Variants in SYT1 observed in about 807,000 individuals in gnomAD.
The protein encoded by SYT1 is synaptotagmin 1, also known as synaptotagmin-1.
A neutral mutation model predicts 44.8 loss-of-function variants in SYT1; 8 were observed. That is an observed-to-expected ratio of 0.18 (90% confidence interval 0.10 to 0.32). The LOEUF (loss-of-function observed/expected upper bound fraction) is 0.32, where lower values mean the gene tolerates loss of function less well. Ranked by LOEUF, SYT1 falls within the 10% of genes least tolerant of loss-of-function variation. SYT1 has a pLI of 1.00. For synonymous variants in SYT1, 154 were observed against 188.8 expected (o/e 0.82, Z 1.51); for missense variants, 286 against 509.3 (o/e 0.56, Z 4.22).
chr12:79,333,233 T>C (rs1305803273), intron 8 of SYT1, among the ~76,000 whole-genome samples: 3 of 152,172 alleles, frequency 2.0e-5, no homozygotes, highest in Non-Finnish European at 4.4e-5. Flanking sequence ...CCAGCAAATT[T>C]AGTGTCTGAT....
At chr12:79,312,781 T>TC (rs1415748140) in intron 8 of SYT1, among the ~76,000 whole-genome samples, 4 of 151,288 alleles carry the variant, frequency 2.6e-5, no homozygotes, top group African/African-American at 9.7e-5. Flanking sequence ...TTTTTTTTTT[T>TC]TTTTTTGATA....
At chr12:79,000,167 T>C (rs1870638719) in intron 2 of SYT1, among the ~76,000 whole-genome samples, 2 of 152,260 alleles carry the variant, frequency 1.3e-5, no homozygotes, top group South Asian at 4.1e-4. Flanking sequence ...AGTGCAATTT[T>C]TTTTTCAGCT....
intron 9 of SYT1, among the ~76,000 whole-genome samples, chr12:79,436,253 T>C (rs1050937429): frequency 4.6e-5 from 7 of 152,142 alleles, no homozygotes; most frequent in African/African-American, 1.4e-4. Context: ...TTGATACCAG[T>C]ATTATTATCT....
At chr12:78,946,579 C>T (rs1345472117) in intron 1 of SYT1, among the ~76,000 whole-genome samples, 3 of 151,818 alleles carry the variant, frequency 2.0e-5, no homozygotes, top group Non-Finnish European at 2.9e-5. Flanking sequence ...CATTTGAACC[C>T]GGGAGGCAGA....
At chr12:79,036,530 G>A (rs1202380672) in intron 2 of SYT1, 2 of 151,686 alleles carry the variant, frequency 1.3e-5, no homozygotes, top group African/African-American at 2.4e-5. Context: ...TCTTCACTTG[G>A]GGATGCTAAA....
Position 79,286,062 on chromosome 12 carries a change from A to G in SYT1, c.351+91A>G. On this transcript the variant is annotated intron_variant, in intron 5 of 10. Transcript: ENST00000261205. ...TGCCATATAATTACAGAAATAAACA[A>G]CTTCTGGACCCATATCGTTTTTGAG... 6 of 1,385,782 alleles carry G rather than the reference A, an allele frequency of 4.3e-6. No homozygotes were observed. In the South Asian group the frequency reaches 8.5e-5, roughly 20 times the overall value. The allele number at this position is 1,385,782 out of a possible 1,614,324, so 85.8% of individuals were successfully genotyped here.
At chr12:79,153,812 A>G (rs1000430568) in intron 3 of SYT1, among the ~76,000 whole-genome samples, 24 of 152,248 alleles carry the variant, frequency 1.6e-4, no homozygotes, top group Admixed American at 1.2e-3. Context: ...TTGTCTGCCC[A>G]TGTATTCAAT....
intron 8 of SYT1, among the ~76,000 whole-genome samples, chr12:79,334,712 T>C (rs1051279714): frequency 7.2e-5 from 11 of 152,224 alleles, no homozygotes; most frequent in Non-Finnish European, 1.0e-4. Context: ...GATATTTCTT[T>C]GATAATACTT....
chr12:78,968,452 AG>A (rs145415400), intron 1 of SYT1, among the ~76,000 whole-genome samples: 1,782 of 152,294 alleles, frequency 0.012, 38 homozygotes, highest in African/African-American at 0.039. Context: ...GCAATGCCCA[AG>A]GGAACAAGAT....
intron 1 of SYT1, among the ~76,000 whole-genome samples, chr12:78,943,799 C>T (rs1212733928): frequency 6.6e-6 from 1 of 152,168 alleles, no homozygotes; most frequent in East Asian, 1.9e-4. Flanking sequence ...TTCTCAACTA[C>T]AATTCATCAT....
intron 3 of SYT1, among the ~76,000 whole-genome samples, chr12:79,160,485 A>T (rs1870882734): frequency 6.6e-6 from 1 of 152,152 alleles, no homozygotes; most frequent in Non-Finnish European, 1.5e-5. Flanking sequence ...GAAATAAATG[A>T]AAGGAGACAG....
At chr12:79,043,408 G>GT (rs1318149631) in intron 2 of SYT1, among the ~76,000 whole-genome samples, 7 of 148,220 alleles carry the variant, frequency 4.7e-5, no homozygotes, top group African/African-American at 1.0e-4. Context: ...TTTGATCTTT[G>GT]TTGGTTTAAA....
chr12:79,178,274 C>G (rs1380013328), intron 3 of SYT1, among the ~76,000 whole-genome samples: 2 of 151,952 alleles, frequency 1.3e-5, no homozygotes, highest in African/African-American at 4.8e-5. Context: ...GAAGACTGTT[C>G]TCTTCCTTTT....
chr12:78,954,207 A>G (rs1262922876), intron 1 of SYT1, among the ~76,000 whole-genome samples: 1 of 152,074 alleles, frequency 6.6e-6, no homozygotes, highest in Admixed American at 6.6e-5. Flanking sequence ...GGGTTGACAC[A>G]TGTTTTCTTT....
chr12:78,927,853 C>A (rs912215516), intron 1 of SYT1, among the ~76,000 whole-genome samples: 3 of 152,018 alleles, frequency 2.0e-5, no homozygotes, highest in Admixed American at 2.0e-4. Context: ...ATACTAAATA[C>A]CCTTTCAAAA....
At chr12:78,954,802 T>A (rs966055104) in intron 1 of SYT1, among the ~76,000 whole-genome samples, 3 of 152,148 alleles carry the variant, frequency 2.0e-5, no homozygotes, top group African/African-American at 7.2e-5. Context: ...TGCTAAAATG[T>A]ACTTAAACAA....
intron 8 of SYT1, among the ~76,000 whole-genome samples, chr12:79,318,653 A>C (rs1881214080): frequency 6.6e-6 from 1 of 152,220 alleles, no homozygotes; most frequent in Non-Finnish European, 1.5e-5. Context: ...GAGATTTGCC[A>C]CAAGTTAACC....
chr12:79,369,840 A>G (rs1883709001), intron 9 of SYT1, among the ~76,000 whole-genome samples: 1 of 152,220 alleles, frequency 6.6e-6, no homozygotes, highest in South Asian at 2.1e-4. Flanking sequence ...TAGTCCAATC[A>G]TCTTGCATGC....
chr12:79,393,357 C>A (rs187991592), intron 9 of SYT1: 3 of 152,288 alleles, frequency 2.0e-5, no homozygotes, highest in African/African-American at 7.2e-5. Flanking sequence ...ATTTCTAGTT[C>A]TAGATCCTTG....
Sources: gnomAD v4.1 joint callset for allele counts (sites outside exome capture counted in the v4.1 genomes callset) on GRCh38, gnomAD v4.1.1 for gene constraint, MANE v1.5 for transcripts, NCBI Gene and HGNC (gene_info 2026-07-23, HGNC 2026-07-21) for gene names.